The following DRC9 variants were observed in gnomAD, a reference collection of about 807,000 sequenced individuals.
DRC9 encodes the protein dynein regulatory complex protein 9.
the DRC9 span, among the ~76,000 whole-genome samples, chr3:197,901,467 G>T: frequency 2.0e-5 from 3 of 152,176 alleles, no homozygotes; most frequent in Admixed American, 6.5e-5. The surrounding 1 kb of genome is among the most constrained non-coding windows in gnomAD (Gnocchi z 4.4). Context: ...TGGCATTTCT[G>T]GTCCTGTTCT....
the DRC9 span, chr3:197,955,967 G>C: frequency 1.7e-6 from 1 of 587,644 alleles, no homozygotes; most frequent in African/African-American, 1.9e-5. Context: ...AGAAGGGAAC[G>C]GGTTTTAATG....
chr3:197,904,075 T>C, the DRC9 span, among the ~76,000 whole-genome samples: 17 of 29,610 alleles, frequency 5.7e-4, no homozygotes, highest in African/African-American at 1.9e-3. Context: ...TACATACATA[T>C]ATATATACAT....
the DRC9 span, among the ~76,000 whole-genome samples, chr3:197,939,744 C>CA: frequency 1.4e-5 from 2 of 146,030 alleles, no homozygotes; most frequent in Non-Finnish European, 3.0e-5. Flanking sequence ...GCTCCACTGT[C>CA]TTTTTTTTTT....
At chr3:197,897,856 C>T in the DRC9 span, among the ~76,000 whole-genome samples, 300 of 151,376 alleles carry the variant, frequency 2.0e-3, 1 homozygote, top group African/African-American at 6.6e-3. Flanking sequence ...ACTGAAGCTC[C>T]GCCTCCCGGG....
At chr3:197,912,644 G>A in the DRC9 span, 3 of 1,536,354 alleles carry the variant, frequency 2.0e-6, no homozygotes, top group Non-Finnish European at 2.7e-6. Context: ...CAAAAAAAAA[G>A]TCAAAGCATA....
the DRC9 span, among the ~76,000 whole-genome samples, chr3:197,900,627 C>G: frequency 1.7e-4 from 25 of 151,106 alleles, no homozygotes; most frequent in Non-Finnish European, 3.1e-4. The surrounding 1 kb of genome is among the most constrained non-coding windows in gnomAD (Gnocchi z 4.7). Flanking sequence ...GATACCAGCT[C>G]AGCCACAGTA....
At chr3:197,960,171 C>G in the DRC9 span, 6 of 1,504,842 alleles carry the variant, frequency 4.0e-6, no homozygotes, top group African/African-American at 5.5e-5. Flanking sequence ...TCCGTCTACC[C>G]CCAGCGGCGA....
the DRC9 span, among the ~76,000 whole-genome samples, chr3:197,907,056 C>A: frequency 6.6e-6 from 1 of 152,310 alleles, no homozygotes; most frequent in Non-Finnish European, 1.5e-5. Context: ...CAATTAAGTG[C>A]TCCCAATTAT....
At chr3:197,936,896 C>T in the DRC9 span, among the ~76,000 whole-genome samples, 6 of 152,070 alleles carry the variant, frequency 3.9e-5, no homozygotes, top group African/African-American at 1.2e-4. Context: ...CCTTTCTGTC[C>T]GATGCAGATC....
At chr3:197,921,813 A>T in the DRC9 span, among the ~76,000 whole-genome samples, 1 of 143,932 alleles carries the variant, frequency 6.9e-6, no homozygotes, top group African/African-American at 2.9e-5. Context: ...GGTTTTCAGT[A>T]ACTCTGGGGA....
At chr3:197,922,960 A>G in the DRC9 span, among the ~76,000 whole-genome samples, 1 of 152,196 alleles carries the variant, frequency 6.6e-6, no homozygotes, top group Non-Finnish European at 1.5e-5. Flanking sequence ...AGAGAAGAAA[A>G]GTAGTTTTTA....
the DRC9 span, among the ~76,000 whole-genome samples, chr3:197,937,452 C>T: frequency 3.3e-5 from 5 of 151,814 alleles, no homozygotes; most frequent in South Asian, 4.2e-4. Context: ...GTTGCTATCA[C>T]GGTCTTTTTC....
At chr3:197,957,353 C>T in the DRC9 span, 1 of 152,476 alleles carries the variant, frequency 6.6e-6, no homozygotes, top group South Asian at 2.1e-4. Flanking sequence ...TTTGGTCAGT[C>T]CAATGGTGGT....
chr3:197,956,640 T>TTTTTTTTTTTTTTTTTA, the DRC9 span: 1 of 150,982 alleles, frequency 6.6e-6, no homozygotes, highest in African/African-American at 2.5e-5. Context: ...TTTTTTTTTT[T>TTTTTTTTTTTTTTTTTA]GAAGACAAGG....
chr3:197,953,342 C>A, the DRC9 span: 1 of 431,770 alleles, frequency 2.3e-6, no homozygotes. Context: ...GGCCACTGTA[C>A]TGCAGCCTGG....
the DRC9 span, among the ~76,000 whole-genome samples, chr3:197,936,718 G>T: frequency 1.3e-5 from 2 of 152,166 alleles, no homozygotes; most frequent in Non-Finnish European, 2.9e-5. Flanking sequence ...TGGATAACTG[G>T]TGGAGATGTA....
At chr3:197,914,067 A>T in the DRC9 span, 2 of 1,600,470 alleles carry the variant, frequency 1.2e-6, no homozygotes, top group Non-Finnish European at 1.7e-6. Flanking sequence ...CCAGGTTTCT[A>T]AATTGAAAAT....
At chr3:197,953,926 A>C in the DRC9 span, 1 of 1,491,296 alleles carries the variant, frequency 6.7e-7, no homozygotes, top group Non-Finnish European at 9.3e-7. Context: ...GTTGAGAGCC[A>C]CTCGTGTAGA....
the DRC9 span, among the ~76,000 whole-genome samples, chr3:197,898,889 G>A: frequency 0.18 from 26,935 of 152,052 alleles, 4,246 homozygotes; most frequent in African/African-American, 0.43. Context: ...TCAATAAAAT[G>A]GTCAAACCTT....
Sources: gnomAD v4.1 joint callset for allele counts (sites outside exome capture counted in the v4.1 genomes callset) on GRCh38, gnomAD v4.1.1 for gene constraint, Gnocchi (gnomAD v3.1) non-coding constraint, MANE v1.5 for transcripts, NCBI Gene and HGNC (gene_info 2026-07-23, HGNC 2026-07-21) for gene names.